BRD3: variants seen among roughly 807,000 people sequenced by gnomAD.
The protein encoded by BRD3 is bromodomain-containing protein 3.
Under a neutral mutation model 66.8 loss-of-function variants are expected in BRD3, and 17 were observed. The ratio of observed to expected loss-of-function variants is 0.25; its 90% confidence interval spans 0.17 to 0.38. The LOEUF is 0.38. Ranked by LOEUF, BRD3 falls within the 10% of genes least tolerant of loss-of-function variation. BRD3 has a pLI of 1.00. For synonymous variants in BRD3, 421 were observed against 393.2 expected (o/e 1.07, Z -0.84); for missense variants, 713 against 956.1 (o/e 0.75, Z 3.35).
intron 5 of BRD3, 31 bp from the exon 6 acceptor site, chr9:134,048,485 G>C (rs1830223621): frequency 6.3e-7 from 1 of 1,597,214 alleles, no homozygotes; most frequent in South Asian, 1.1e-5. Context: ...GTGAACCCCG[G>C]AAACCAGGGG....
chr9:134,039,093 G>T (rs977555727), intron 9 of BRD3, among the ~76,000 whole-genome samples: 28 of 152,014 alleles, frequency 1.8e-4, no homozygotes, highest in African/African-American at 6.8e-4. Flanking sequence ...ACCAGGGCCT[G>T]GCCATGCCGC....
At position 134,040,269 on chromosome 9, in the gene BRD3, G is replaced by T; in HGVS notation, c.1408C>A (p.Leu470Met). The change falls in exon 9 of 12, where the codon CTG becomes ATG. Residue 470 changes from leucine (L) to methionine (M), a missense_variant and splice_region_variant. By Grantham distance (15) the Leu-to-Met change is conservative. Coordinates refer to ENST00000303407, the MANE Select transcript of BRD3 (RefSeq NM_007371.4). The stretch of plus-strand genomic sequence containing the variant: ...GCCAGCTGCTCGTGCACGGCCTTCA[G>T]CTGGAAAAGAGCGGGCGGCTGAGCA... The part of the protein sequence containing the change: ...ATRLAELQEQ[L>M]KAVHEQLAAL... The T allele has an allele frequency of 6.3e-7, 1 of 1,594,256 alleles. No individual in the cohort carries two copies. The highest frequency in any genetic ancestry group is 8.5e-7 in the Non-Finnish European group (1 of 1,171,686).
At chr9:134,037,279 G>A (rs1352409976) in intron 9 of BRD3, among the ~76,000 whole-genome samples, 1 of 151,644 alleles carries the variant, frequency 6.6e-6, no homozygotes, top group East Asian at 2.0e-4. Flanking sequence ...CAGGAAAAAA[G>A]GACAACGCAG....
At chr9:134,065,573 C>G (rs1259538219) in intron 1 of BRD3, among the ~76,000 whole-genome samples, 1 of 152,234 alleles carries the variant, frequency 6.6e-6, no homozygotes, top group Non-Finnish European at 1.5e-5. Flanking sequence ...AGACCCGCAG[C>G]ACGACTTCAG....
chr9:134,064,571 A>G (rs532694176), intron 1 of BRD3, among the ~76,000 whole-genome samples: 87 of 151,478 alleles, frequency 5.7e-4, no homozygotes, highest in Non-Finnish European at 1.1e-3. Flanking sequence ...TGAGCTCTCA[A>G]GCATCTTGGC....
chr9:134,049,013 G>T (rs1349353766), intron 5 of BRD3, among the ~76,000 whole-genome samples: 1 of 152,202 alleles, frequency 6.6e-6, no homozygotes, highest in East Asian at 1.9e-4. Flanking sequence ...AGCAGCCACA[G>T]CAGCTCTGGG....
chr9:134,039,639 G>A (rs1829996336), intron 9 of BRD3, among the ~76,000 whole-genome samples: 1 of 152,196 alleles, frequency 6.6e-6, no homozygotes. Flanking sequence ...CACAGCAGGG[G>A]CTCCCGAAGG....
chr9:134,061,359 T>C (rs753888463), intron 1 of BRD3, among the ~76,000 whole-genome samples: 4 of 152,094 alleles, frequency 2.6e-5, no homozygotes, highest in Non-Finnish European at 5.9e-5. Context: ...ACAGGCAGGG[T>C]TGGGAGGACA....
intron 7 of BRD3, 109 bp from the exon 8 acceptor site, chr9:134,042,060 T>G: frequency 1.6e-6 from 2 of 1,240,736 alleles, no homozygotes; most frequent in Non-Finnish European, 2.2e-6. Flanking sequence ...CCACAGCTGT[T>G]ACGAAGGTGG....
At chr9:134,065,219 T>C (rs1830625537) in intron 1 of BRD3, among the ~76,000 whole-genome samples, 1 of 152,172 alleles carries the variant, frequency 6.6e-6, no homozygotes, top group African/African-American at 2.4e-5. Context: ...GGTGAGGAGT[T>C]CGAGACCAGC....
rs986573454 is a variant in BRD3 at position 134,031,354 on chromosome 9, G to A, written c.*2236C>T. 1.9e-5 allele frequency: 4 copies of A among 207,998 alleles called. No individual in the cohort carries two copies. The highest frequency in any genetic ancestry group is 1.8e-4 in the Admixed American group (3 of 16,846). 12.9% of individuals were successfully genotyped at this position (207,998 alleles called of 1,614,324 possible). ...GCGCCCCCCAGCCCCAGGCACCCCC[G>A]GCTTAGGGTGTACGTATCACCCAGC... On this transcript the variant is annotated 3_prime_UTR_variant, in exon 12 of 12. Transcript: ENST00000303407.
intron 1 of BRD3, among the ~76,000 whole-genome samples, chr9:134,067,663 C>G (rs1181419113): frequency 4.1e-5 from 6 of 146,516 alleles, no homozygotes; most frequent in African/African-American, 1.2e-4. Context: ...CGCCCCGAGT[C>G]CGGGACGGAG....
intron 6 of BRD3, among the ~76,000 whole-genome samples, chr9:134,047,118 G>C (rs1352517531): frequency 6.6e-6 from 1 of 152,246 alleles, no homozygotes; most frequent in Non-Finnish European, 1.5e-5. Context: ...CTGTGCACCG[G>C]GCTCTGGGGC....
chr9:134,046,727 C>T (rs1277596231), intron 6 of BRD3, among the ~76,000 whole-genome samples: 4 of 152,232 alleles, frequency 2.6e-5, no homozygotes, highest in Non-Finnish European at 5.9e-5. Flanking sequence ...GGGCCACAGT[C>T]GCGGGCAGCA....
chr9:134,049,981 G>T (rs769721339), intron 5 of BRD3, among the ~76,000 whole-genome samples: 7 of 152,148 alleles, frequency 4.6e-5, no homozygotes, highest in African/African-American at 1.4e-4. Context: ...GCCAGCTTGG[G>T]TGCTGGCACC....
chr9:134,062,935 C>T (rs1564561843), intron 1 of BRD3, among the ~76,000 whole-genome samples: 2 of 152,192 alleles, frequency 1.3e-5, no homozygotes, highest in Non-Finnish European at 2.9e-5. Context: ...GGGTCAGGCC[C>T]TGGTGCTCCG....
chr9:134,049,805 G>A (rs1024079730), intron 5 of BRD3, among the ~76,000 whole-genome samples: 10 of 152,312 alleles, frequency 6.6e-5, no homozygotes, highest in East Asian at 1.9e-4. Flanking sequence ...TGCCTGGCAC[G>A]GGCCCTGCCC....
rs1384665439 is a variant in BRD3, at chr9:134,048,466, A to C, written c.715-12T>G. 3.1e-6 allele frequency: 5 copies of C among 1,598,262 alleles called. No homozygotes were observed. Among genetic ancestry groups the C allele is most frequent in the Non-Finnish European group, 4.2e-6 (5 of 1,179,834 alleles). On this transcript the variant is annotated splice_polypyrimidine_tract_variant and intron_variant, in intron 5 of 11. Coordinates refer to ENST00000303407, the MANE Select transcript of BRD3 (RefSeq NM_007371.4). Reference sequence around the variant, plus strand: ...TTCACGCCCTTTTTCTGCGACAGTGAAATAACCAGTGAACCCCGGAAACCA... The same window carrying C: ...TTCACGCCCTTTTTCTGCGACAGTGCAATAACCAGTGAACCCCGGAAACCA...
rs1206922123 is a variant in BRD3, at chr9:134,031,600, A to G, written c.*1990T>C. The G allele has an allele frequency of 9.4e-6, 2 of 211,912 alleles. No individual in the cohort carries two copies. Among genetic ancestry groups the G allele is most frequent in the Non-Finnish European group, 1.9e-5 (2 of 104,702 alleles). The allele number at this position is 211,912 out of a possible 1,614,324, so 13.1% of individuals were successfully genotyped here. On this transcript the variant is annotated 3_prime_UTR_variant, in exon 12 of 12. Transcript: ENST00000303407. Reference sequence around the variant, plus strand: ...TTAACAAACTGGCTGAAAACTCACCAAGTGTCAGACTCACCAGCAATTTAA... The same window carrying G: ...TTAACAAACTGGCTGAAAACTCACCGAGTGTCAGACTCACCAGCAATTTAA...
Sources: gnomAD v4.1 joint callset for allele counts (sites outside exome capture counted in the v4.1 genomes callset) on GRCh38, gnomAD v4.1.1 for gene constraint, MANE v1.5 for transcripts, NCBI Gene and HGNC (gene_info 2026-07-23, HGNC 2026-07-21) for gene names.